ILDR2: variants seen among roughly 807,000 people sequenced by gnomAD.
ILDR2 encodes the protein immunoglobulin like domain containing receptor 2.
In ILDR2, 25 loss-of-function variants were observed where a neutral mutation model predicts 66.8. The ratio of observed to expected loss-of-function variants is 0.37; its 90% CI spans 0.27 to 0.52. ILDR2 has a LOEUF of 0.52. Ranked by LOEUF, ILDR2 falls within the 20% of genes least tolerant of loss-of-function variation. The pLI, the probability that ILDR2 is intolerant of heterozygous loss-of-function variation, is 0.88. For missense variants in ILDR2, 827 were observed against 876.8 expected (o/e 0.94, Z 0.72); for synonymous variants, 367 against 357.2 (o/e 1.03, Z -0.31).
intron 6 of ILDR2, among the ~76,000 whole-genome samples, chr1:166,928,229 T>A (rs891524272): frequency 1.3e-5 from 2 of 152,216 alleles, no homozygotes; most frequent in South Asian, 4.1e-4. Flanking sequence ...AGTACTGTTA[T>A]CAGCCACATT....
intron 3 of ILDR2, among the ~76,000 whole-genome samples, chr1:166,952,884 T>C (rs1662065973): frequency 6.6e-6 from 1 of 152,182 alleles, no homozygotes; most frequent in Non-Finnish European, 1.5e-5. Context: ...TGACACTTTT[T>C]TAACTAGGAT....
chr1:166,971,134 A>T (rs543768836), intron 1 of ILDR2, among the ~76,000 whole-genome samples: 10 of 152,330 alleles, frequency 6.6e-5, no homozygotes, highest in Non-Finnish European at 1.5e-4. Context: ...AAGGCACTCC[A>T]GAGTACAGAT....
chr1:166,897,536 A>G (rs1659186761), intron 2 of ILDR2, among the ~76,000 whole-genome samples: 1 of 152,224 alleles, frequency 6.6e-6, no homozygotes, highest in Non-Finnish European at 1.5e-5. Context: ...GTTTTGAGCC[A>G]AGTGAAACCG....
Position 166,915,744 on chromosome 1 carries a change from G to GA in ILDR2, c.*3610dup, listed in dbSNP as rs1659617481. ...CAGACTACCTATGTGAAATTTTGTGGACTATTCAGAAATATTTACAGATGT... is the reference window on the plus strand; with the variant it reads ...CAGACTACCTATGTGAAATTTTGTGGAACTATTCAGAAATATTTACAGATGT... On this transcript the variant is annotated 3_prime_UTR_variant, in exon 10 of 10. Transcript: ENST00000271417. The GA allele has an allele frequency of 6.6e-6, 1 of 152,172 alleles. No individual in the cohort carries two copies. The highest frequency in any genetic ancestry group is 1.5e-5 in the Non-Finnish European group (1 of 68,038). 9.4% of individuals were successfully genotyped at this position (152,172 alleles called of 1,614,324 possible).
intron 3 of ILDR2, among the ~76,000 whole-genome samples, chr1:166,950,917 T>A (rs1406990850): frequency 7.2e-5 from 11 of 152,160 alleles, no homozygotes; most frequent in African/African-American, 2.2e-4. Flanking sequence ...ATGAGCGCCT[T>A]ACTCACAAGG....
Position 166,913,874 on chromosome 1 carries a change from T to A in ILDR2, c.*5481A>T, listed in dbSNP as rs917243193. On this transcript the variant is annotated 3_prime_UTR_variant, in exon 10 of 10. Coordinates refer to ENST00000271417, the MANE Select transcript of ILDR2 (RefSeq NM_199351.3). ...GCTCATGTCTGTAATACCAGCACTT[T>A]AGGCAGCCAAGGTGGGAGGATCACT... The A allele has an allele frequency of 6.6e-6, 1 of 152,274 alleles. No homozygotes were observed. Among genetic ancestry groups the A allele is most frequent in the African/African-American group, 2.4e-5 (1 of 41,440 alleles). The allele number at this position is 152,274 out of a possible 1,614,324, so 9.4% of individuals were successfully genotyped here.
chr1:166,965,684 T>G (rs965548893), intron 1 of ILDR2, among the ~76,000 whole-genome samples: 1 of 150,458 alleles, frequency 6.6e-6, no homozygotes, highest in African/African-American at 2.4e-5. Context: ...GTGTTTCTCC[T>G]GCATCAGCCT....
intron 2 of ILDR2, among the ~76,000 whole-genome samples, chr1:166,902,673 T>C (rs1204451223): frequency 6.6e-6 from 1 of 152,252 alleles, no homozygotes; most frequent in Non-Finnish European, 1.5e-5. Flanking sequence ...TAAAAAGATA[T>C]TGGCAACATA....
At position 166,914,585 on chromosome 1, in the gene ILDR2, ATATTAT is replaced by A. The variant is rs1571088434; in HGVS notation, c.*4764_*4769del. 2.0e-5 allele frequency: 3 copies of A among 152,206 alleles called. No homozygotes were observed. The highest frequency in any genetic ancestry group is 4.1e-4 in the South Asian group (2 of 4,822). 9.4% of individuals were successfully genotyped at this position (152,206 alleles called of 1,614,324 possible). A position where few individuals can be genotyped will look rare whatever the true frequency, so the allele number is the denominator to read the frequency against. ...GTAATATATCATAAAAATAACACAA[ATATTAT>A]TAGTATTAACCTTCTCCCCTTCAAA... On this transcript the variant is annotated 3_prime_UTR_variant, in exon 10 of 10. Transcript: ENST00000271417.
rs959401786 is a variant in ILDR2, at chr1:166,959,572, G to GA, written c.47-1472dup. ...AGCTTTGAAGGATAATCAAAAGAAG[G>GA]AAAAAAAGTGGGGGCTAAAAAGCAG... On this transcript the variant is annotated intron_variant, in intron 1 of 9. Transcript: ENST00000271417. Among the ~76,000 whole-genome samples, 16 of 152,172 alleles carry GA rather than the reference G, an allele frequency of 1.1e-4. No homozygotes were observed. In the East Asian group the frequency reaches 2.3e-3, roughly 22 times the overall value.
At chr1:166,962,118 A>G (rs6677644) in intron 1 of ILDR2, among the ~76,000 whole-genome samples, 57,855 of 152,004 alleles carry the variant, frequency 0.38, 11,435 homozygotes, top group African/African-American at 0.45. Flanking sequence ...CCCTGCTTCC[A>G]CACTACAGGT....
chr1:166,920,575 G>A, intron 9 of ILDR2, 132 bp downstream of exon 9: 2 of 1,031,808 alleles, frequency 1.9e-6, no homozygotes, highest in Non-Finnish European at 2.6e-6. Context: ...GCCCAGGCAG[G>A]CCCCTGCGGC....
chr1:166,921,336 C>G lies in ILDR2; in HGVS notation c.1255G>C (p.Ala419Pro), dbSNP rs201507661. 3.3e-4 allele frequency: 518 copies of G among 1,583,574 alleles called. No individual in the cohort carries two copies. The highest frequency in any genetic ancestry group is 4.1e-4 in the Non-Finnish European group (482 of 1,161,516). The change falls in exon 9 of 10, where the codon GCC becomes CCC. Residue 419 changes from alanine to proline, a missense_variant. By Grantham distance (27) the Ala-to-Pro change is conservative. This residue lies in a region of ILDR2 where 390 missense variants were observed against 353.6 expected (regional missense o/e 1.10). Coordinates refer to ENST00000271417, the MANE Select transcript of ILDR2 (RefSeq NM_199351.3). This position sits in a 1 kb window ranked among gnomAD's most constrained non-coding sequence, Gnocchi z 5.3. Reference sequence around the variant, plus strand: ...ATGGAAACGGCCGGCACCCCCGTGGCGAAGTTCTTCCGCGACAGCATCTCC... The same window carrying G: ...ATGGAAACGGCCGGCACCCCCGTGGGGAAGTTCTTCCGCGACAGCATCTCC... ...KSEMLSRKNF[A>P]TGVPAVSMDE...
intron 1 of ILDR2, among the ~76,000 whole-genome samples, chr1:166,973,078 G>A (rs562724864): frequency 2.0e-5 from 3 of 152,242 alleles, no homozygotes; most frequent in South Asian, 4.2e-4. Flanking sequence ...GAGAAAGCAG[G>A]AGCAGGGAGC....
chr1:166,927,031 T>A (rs988177240), intron 7 of ILDR2, 36 bp downstream of exon 7: 6 of 1,472,070 alleles, frequency 4.1e-6, no homozygotes, highest in Non-Finnish European at 5.7e-6. Flanking sequence ...AACTCCTGCA[T>A]AATGCACAGA....
In ILDR2 at chr1:166,936,970, G is replaced by A. The variant is rs1216017821; in HGVS notation, c.557-233C>T. Among the ~76,000 whole-genome samples, 1 of 152,100 alleles carries A rather than the reference G, an allele frequency of 6.6e-6. No individual in the cohort carries two copies. Among genetic ancestry groups the A allele is most frequent in the Non-Finnish European group, 1.5e-5 (1 of 68,022 alleles). ...GAAGAAGGTTATCTATGTTACATTG[G>A]GTACATGTAATAATCGGCACAAAAC... On this transcript the variant is annotated intron_variant, in intron 4 of 9. Transcript: ENST00000271417. The surrounding 1 kb of genome is among the most constrained non-coding windows in gnomAD (Gnocchi z 5.0).
chr1:166,935,418 CG>C lies in ILDR2; in HGVS notation c.762del (p.Gly255AlafsTer19). ...GGGACAGAGGGGATGGAGTAAGGGC[CG>C]GGGACACCGGAGACAGAGGGAGGGT... ...AGYPPSVSGV[P>X]GPYSIPSVPL... On this transcript the variant is annotated frameshift_variant, in exon 6 of 10. Coordinates refer to ENST00000271417, the MANE Select transcript of ILDR2 (RefSeq NM_199351.3). LOFTEE classifies it high-confidence loss of function. 1 of 1,613,288 alleles carries C rather than the reference CG, an allele frequency of 6.2e-7. No individual in the cohort carries two copies. Among genetic ancestry groups the C allele is most frequent in the Non-Finnish European group, 8.5e-7 (1 of 1,179,628 alleles).
chr1:166,904,493 A>G (rs1165982742), downstream of ILDR2, among the ~76,000 whole-genome samples: 2 of 152,198 alleles, frequency 1.3e-5, no homozygotes, highest in Non-Finnish European at 2.9e-5. Flanking sequence ...TACAATCTCC[A>G]TAGTTGTTTA....
chr1:166,957,951 A>T lies in ILDR2; in HGVS notation c.197T>A (p.Met66Lys), dbSNP rs1338450346. The T allele has an allele frequency of 1.2e-6, 2 of 1,614,040 alleles. No homozygotes were observed. The highest frequency in any genetic ancestry group is 1.7e-6 in the Non-Finnish European group (2 of 1,180,032). Reference sequence around the variant, plus strand: ...AGAGGACATGCCCAAGGATTCTCCCATGCGATCCTGGCAGTAGGACTTGAA... The same window carrying T: ...AGAGGACATGCCCAAGGATTCTCCCTTGCGATCCTGGCAGTAGGACTTGAA... The part of the protein sequence containing the change: ...WKFKSYCQDR[M>K]GESLGMSSTR... Residue 66 changes from methionine to lysine, a missense_variant, in exon 2 of 10, where the codon ATG (methionine) becomes AAG (lysine). Met to Lys is a moderately conservative substitution (Grantham distance 95, BLOSUM62 -1). Around this residue, in one of 2 missense-constraint regions of ILDR2, gnomAD observed 437 missense variants for 523.2 expected, o/e 0.84. Transcript: ENST00000271417.
Sources: allele counts gnomAD v4.1 joint callset (sites outside exome capture counted in the v4.1 genomes callset), GRCh38; gene constraint gnomAD v4.1.1; regional missense constraint gnomAD v4.1.1; non-coding constraint Gnocchi (gnomAD v3.1); transcripts MANE v1.5; gene names NCBI Gene and HGNC (gene_info 2026-07-23, HGNC 2026-07-21).